Variants in NT5DC4 observed in about 807,000 individuals in gnomAD.
NT5DC4 encodes the protein 5'-nucleotidase domain containing 4, also known as 5'-nucleotidase domain-containing protein 4.
NT5DC4 carries 44 observed loss-of-function variants against 26.6 expected under a neutral mutation model. The observed-to-expected ratio is 1.65, with a 90% confidence interval of 1.30 to 2.13. The LOEUF is 2.13. NT5DC4 is among the 30% of genes most tolerant of loss of function. The probability of loss-of-function intolerance (pLI) is 0.00; values close to 1 mark genes in which losing one functional copy is unlikely to be tolerated. For synonymous variants in NT5DC4, 157 were observed against 86.7 expected (o/e 1.81, Z -4.51); for missense variants, 399 against 228.1 (o/e 1.75, Z -4.83).
In NT5DC4 at chr2:112,724,778, C is replaced by T. The variant is rs2104735290; in HGVS notation, c.790-3C>T. ...GTGTGCAGCCCGTGTGCACCCCCAA[C>T]AGGCTGAAGCCTCGGGCAGGCCCTG... On this transcript the variant is annotated splice_polypyrimidine_tract_variant and splice_region_variant and intron_variant, in intron 10 of 16. Transcript: ENST00000688554. The T allele has an allele frequency of 1.4e-6, 1 of 717,034 alleles. No individual in the cohort carries two copies. The highest frequency in any genetic ancestry group is 1.5e-5 in the South Asian group (1 of 67,590). 44.4% of individuals were successfully genotyped at this position (717,034 alleles called of 1,614,324 possible). A position where few individuals can be genotyped will look rare whatever the true frequency, so the allele number is the denominator to read the frequency against.
chr2:112,738,562 T>G (rs1679555970), intron 16 of NT5DC4: 2 of 442,418 alleles, frequency 4.5e-6, no homozygotes. Flanking sequence ...GTATAAATAT[T>G]TATCATAGTT....
intron 16 of NT5DC4, among the ~76,000 whole-genome samples, chr2:112,734,335 G>A (rs1286660954): frequency 6.6e-6 from 1 of 152,030 alleles, no homozygotes; most frequent in African/African-American, 2.4e-5. Flanking sequence ...CATTAACCAG[G>A]GAGTCAAATC....
upstream of NT5DC4, among the ~76,000 whole-genome samples, chr2:112,719,403 T>C (rs1291168021): frequency 6.6e-6 from 1 of 152,100 alleles, no homozygotes; most frequent in Non-Finnish European, 1.5e-5. Flanking sequence ...TTTTATCCTT[T>C]TAAGAGTGCC....
Position 112,725,536 on chromosome 2 carries a change from CTGGGCCCAGGAGAAGGGTGAGCTGT to C in NT5DC4, c.1142_1153+13del. ...CTGAGCTGTCCTGGGAGCTGGACAT[CTGGGCCCAGGAGAAGGGTGAGCTGT>C]TGGGGTCTGGAACAGTCAGAGGGGC... On this transcript the variant is annotated splice_donor_variant and splice_donor_5th_base_variant and coding_sequence_variant and intron_variant, in exon 13 of 17. Transcript: ENST00000688554. LOFTEE classifies it high-confidence loss of function. 1 of 710,198 alleles carries C rather than the reference CTGGGCCCAGGAGAAGGGTGAGCTGT, an allele frequency of 1.4e-6. No homozygotes were observed. 44.0% of individuals were successfully genotyped at this position (710,198 alleles called of 1,614,324 possible). A position where few individuals can be genotyped will look rare whatever the true frequency, so the allele number is the denominator to read the frequency against.
upstream of NT5DC4, among the ~76,000 whole-genome samples, chr2:112,720,661 C>A (rs1267124625): frequency 6.6e-6 from 1 of 152,140 alleles, no homozygotes; most frequent in Non-Finnish European, 1.5e-5. Context: ...ATTTGATAAC[C>A]AAATGTGTCA....
At position 112,730,295 on chromosome 2, in the gene NT5DC4, AG is replaced by A. The variant is rs1207506233; in HGVS notation, c.1344+594del. Among the ~76,000 whole-genome samples, 26 of 105,040 alleles carry A rather than the reference AG, an allele frequency of 2.5e-4. No homozygotes were observed. In the Admixed American group the frequency reaches 3.6e-3, roughly 14 times the overall value. 68.9% of individuals were successfully genotyped at this position (105,040 alleles called of 152,430 possible). On this transcript the variant is annotated intron_variant, in intron 16 of 16. Coordinates refer to ENST00000688554, the MANE Select transcript of NT5DC4 (RefSeq NM_001393655.1). The stretch of plus-strand genomic sequence containing the variant: ...ACCACTGCACTCCAACCTGGGCAAC[AG>A]GGAAAGACTGTCTCAAAAAAAAAAA...
At position 112,725,492 on chromosome 2, in the gene NT5DC4, C is replaced by T. The variant is rs866494811; in HGVS notation, c.1093C>T (p.Arg365Trp). Residue 365 changes from arginine (R) to tryptophan (W), a missense_variant, in exon 13 of 17, where the codon CGG becomes TGG. Transcript: ENST00000688554. ...ILKSKKRQGW[R>W]TCLVVPELSW... is the part of the protein sequence containing the mutation. ...CAAGTCCAAGAAGCGTCAGGGCTGGCGGACTTGCCTGGTGGTTCCTGAGCT... is the reference window on the plus strand; with the variant it reads ...CAAGTCCAAGAAGCGTCAGGGCTGGTGGACTTGCCTGGTGGTTCCTGAGCT... 21 of 716,930 alleles carry T rather than the reference C, an allele frequency of 2.9e-5. No individual in the cohort carries two copies. Among genetic ancestry groups the T allele is most frequent in the African/African-American group, 1.0e-4 (6 of 57,254 alleles). 44.4% of individuals were successfully genotyped at this position (716,930 alleles called of 1,614,324 possible).
chr2:112,722,156 C>T lies in NT5DC4; in HGVS notation c.267-27C>T, dbSNP rs1334657229. The stretch of plus-strand genomic sequence containing the variant: ...CACCCGGCCTTGGTACCCCCACCCA[C>T]AGTGCCCCCCGACCCCCCGTCTGCA... On this transcript the variant is annotated intron_variant, in intron 3 of 16. Transcript: ENST00000688554. 6 of 599,536 alleles carry T rather than the reference C, an allele frequency of 1.0e-5. No individual in the cohort carries two copies. In the East Asian group the frequency reaches 1.5e-4, roughly 15 times the overall value. The allele number at this position is 599,536 out of a possible 1,614,324, so 37.1% of individuals were successfully genotyped here. A position where few individuals can be genotyped will look rare whatever the true frequency, so the allele number is the denominator to read the frequency against.
At chr2:112,728,548 C>T (rs1363448625) in intron 15 of NT5DC4, among the ~76,000 whole-genome samples, 6 of 152,198 alleles carry the variant, frequency 3.9e-5, no homozygotes, top group Admixed American at 6.5e-5. Flanking sequence ...TTTGATAAGA[C>T]GTAGAGCTTG....
chr2:112,722,114 C>T lies in NT5DC4; in HGVS notation c.266+11C>T. ...CACCTTCCCCACCAGGTGTGTGGCTCAGGACAGGTGGGAGGCCACCCGGCC... is the reference window on the plus strand; with the variant it reads ...CACCTTCCCCACCAGGTGTGTGGCTTAGGACAGGTGGGAGGCCACCCGGCC... On this transcript the variant is annotated intron_variant, in intron 3 of 16. Coordinates refer to ENST00000688554, the MANE Select transcript of NT5DC4 (RefSeq NM_001393655.1). 1 of 716,856 alleles carries T rather than the reference C, an allele frequency of 1.4e-6. No individual in the cohort carries two copies. Among genetic ancestry groups the T allele is most frequent in the Non-Finnish European group, 2.6e-6 (1 of 385,054 alleles). The allele number at this position is 716,856 out of a possible 1,614,324, so 44.4% of individuals were successfully genotyped here.
intron 16 of NT5DC4, among the ~76,000 whole-genome samples, chr2:112,730,294 CAG>C (rs1285789395): frequency 1.0e-5 from 1 of 96,678 alleles, no homozygotes; most frequent in East Asian, 3.8e-4. Flanking sequence ...ACCTGGGCAA[CAG>C]GGAAAGACTG....
At position 112,724,361 on chromosome 2, in the gene NT5DC4, G is replaced by A. The variant is rs951607593; in HGVS notation, c.789+235G>A. On this transcript the variant is annotated intron_variant, in intron 10 of 16. Transcript: ENST00000688554. ...GGTGATAGGAGGCAGTCAGGTATGT[G>A]GGGACGGGCGGCAGAAAGTGGGTGA... 8.9e-5 allele frequency: 53 copies of A among 596,550 alleles called. No individual in the cohort carries two copies. The African/African-American group carries it at 9.3e-4, about 10-fold the overall frequency. 37.0% of individuals were successfully genotyped at this position (596,550 alleles called of 1,614,324 possible).
In NT5DC4 at chr2:112,725,535, T is replaced by A; in HGVS notation, c.1136T>A (p.Ile379Asn). The A allele has an allele frequency of 1.4e-6, 1 of 710,380 alleles. No homozygotes were observed. Among genetic ancestry groups the A allele is most frequent in the Non-Finnish European group, 2.6e-6 (1 of 379,970 alleles). 44.0% of individuals were successfully genotyped at this position (710,380 alleles called of 1,614,324 possible). ...VVPELSWELD[I>N]WAQEKERLEE... Reference sequence around the variant, plus strand: ...CCTGAGCTGTCCTGGGAGCTGGACATCTGGGCCCAGGAGAAGGGTGAGCTG... The same window carrying A: ...CCTGAGCTGTCCTGGGAGCTGGACAACTGGGCCCAGGAGAAGGGTGAGCTG... The change falls in exon 13 of 17, where the codon ATC becomes AAC. Residue 379 changes from isoleucine to asparagine, a missense_variant. Transcript: ENST00000688554.
chr2:112,741,069 C>G (rs1040574127), downstream of NT5DC4: 3 of 1,086,480 alleles, frequency 2.8e-6, no homozygotes, highest in Non-Finnish European at 4.1e-6. Context: ...AACTAGAAGT[C>G]AATAACATGA....
chr2:112,733,052 C>G (rs571614845), intron 16 of NT5DC4, among the ~76,000 whole-genome samples: 8 of 152,130 alleles, frequency 5.3e-5, no homozygotes, highest in Admixed American at 5.2e-4. Flanking sequence ...TATTATTACT[C>G]TTGTAGAACT....
At position 112,725,166 on chromosome 2, in the gene NT5DC4, C is replaced by T. The variant is rs1000456706; in HGVS notation, c.916-8C>T. 8.4e-6 allele frequency: 6 copies of T among 714,062 alleles called. No homozygotes were observed. Among genetic ancestry groups the T allele is most frequent in the Admixed American group, 8.0e-5 (4 of 49,908 alleles). 44.2% of individuals were successfully genotyped at this position (714,062 alleles called of 1,614,324 possible). A position where few individuals can be genotyped will look rare whatever the true frequency, so the allele number is the denominator to read the frequency against. ...TCCTGGCTCCAGGGCACCCCTCTGC[C>T]CCTCCAGGACTCAGGAAAGCTCCAC... On this transcript the variant is annotated splice_region_variant and splice_polypyrimidine_tract_variant and intron_variant, in intron 11 of 16. Transcript: ENST00000688554.
chr2:112,723,519 G>A, intron 8 of NT5DC4, 51 bp downstream of exon 8: 1 of 713,546 alleles, frequency 1.4e-6, no homozygotes, highest in Non-Finnish European at 2.6e-6. Context: ...AAGCAGCAGG[G>A]CTGCCCCCGC....
At position 112,738,770 on chromosome 2, in the gene NT5DC4, T is replaced by C. The variant is rs1679586501; in HGVS notation, c.1345-143T>C. The C allele has an allele frequency of 7.3e-6, 9 of 1,230,754 alleles. No individual in the cohort carries two copies. In the Admixed American group the frequency reaches 1.6e-4, roughly 22 times the overall value. The allele number at this position is 1,230,754 out of a possible 1,614,324, so 76.2% of individuals were successfully genotyped here. On this transcript the variant is annotated intron_variant, in intron 16 of 16. Coordinates refer to ENST00000688554, the MANE Select transcript of NT5DC4 (RefSeq NM_001393655.1). Reference sequence around the variant, plus strand: ...TTCCAGGTCACTTGGACAAGAATATTTCTTGTCTTATGTTGGTTCTGAAAC... The same window carrying C: ...TTCCAGGTCACTTGGACAAGAATATCTCTTGTCTTATGTTGGTTCTGAAAC...
At chr2:112,721,591 C>A (rs771465333) in intron 1 of NT5DC4, 6 of 717,468 alleles carry the variant, frequency 8.4e-6, no homozygotes, top group Non-Finnish European at 1.6e-5. Context: ...CTCAGATGCA[C>A]GCTTGCACAC....
Sources: allele counts gnomAD v4.1 joint callset (sites outside exome capture counted in the v4.1 genomes callset), GRCh38; gene constraint gnomAD v4.1.1; transcripts MANE v1.5; gene names NCBI Gene and HGNC (gene_info 2026-07-23, HGNC 2026-07-21).